Variants in GOLM2 observed in about 807,000 individuals in gnomAD.
GOLM2 encodes the protein protein GOLM2.
Under a neutral mutation model 55.9 loss-of-function variants are expected in GOLM2, and 26 were observed. That is an observed-to-expected ratio of 0.47 (90% confidence interval 0.34 to 0.65). The LOEUF (loss-of-function observed/expected upper bound fraction) is 0.65. Ranked by LOEUF, GOLM2 falls within the 30% of genes least tolerant of loss-of-function variation. The pLI, the probability that GOLM2 is intolerant of heterozygous loss-of-function variation, is 0.01. For missense variants in GOLM2, 486 were observed against 531.8 expected (o/e 0.91, Z 0.85); for synonymous variants, 165 against 194.6 (o/e 0.85, Z 1.27).
intron 1 of GOLM2, among the ~76,000 whole-genome samples, chr15:44,319,874 C>T (rs948413376): frequency 3.3e-5 from 5 of 152,220 alleles, no homozygotes; most frequent in African/African-American, 4.8e-5. Flanking sequence ...CAGGCGTGAG[C>T]CACTGCACCT....
chr15:44,360,297 T>C (rs2141170382), intron 6 of GOLM2, among the ~76,000 whole-genome samples: 1 of 152,278 alleles, frequency 6.6e-6, no homozygotes, highest in East Asian at 1.9e-4. Flanking sequence ...TGTGTTGTAT[T>C]CAGGAAACCC....
At chr15:44,383,121 A>ATATACATATACAGAATATATG (rs1407030347) in intron 8 of GOLM2, among the ~76,000 whole-genome samples, 2 of 150,854 alleles carry the variant, frequency 1.3e-5, no homozygotes, top group Non-Finnish European at 3.0e-5. Flanking sequence ...TGTATATATT[A>ATATACATATACAGAATATATG]TATACATATA....
chr15:44,380,732 C>T (rs1426435296), intron 7 of GOLM2, 74 bp from the exon 8 acceptor site: 2 of 1,086,550 alleles, frequency 1.8e-6, no homozygotes, highest in African/African-American at 1.7e-5. Flanking sequence ...CTTTCTAAAG[C>T]AGATCTTGTG....
At position 44,402,890 on chromosome 15, in the gene GOLM2, G is replaced by A. The variant is rs369348773; in HGVS notation, c.1076G>A (p.Arg359Gln). The change falls in exon 9 of 10, where the codon CGA (arginine) becomes CAA (glutamine). Residue 359 changes from arginine (R) to glutamine (Q), a missense_variant. By Grantham distance (43) the Arg-to-Gln change is conservative. Transcript: ENST00000299957. ...VSDFHKLKQSRFFDENESPVD... is the reference protein window; with the variant it reads ...VSDFHKLKQSQFFDENESPVD... ...TAATCCTCTACCTACTTCACAGGCC[G>A]ATTCTTTGATGAAAATGAATCCCCT... is the stretch of plus-strand genomic sequence containing the variant. 12 of 1,613,568 alleles carry A rather than the reference G, an allele frequency of 7.4e-6. No individual in the cohort carries two copies. The highest frequency in any genetic ancestry group is 1.3e-5 in the African/African-American group (1 of 74,836).
In GOLM2 at chr15:44,316,280, C is replaced by T. The variant is rs527583574; in HGVS notation, c.328-6685C>T. ...GTGTGGTGGCCTGAGCCTGTTGTCA[C>T]AGCTACTGAGTTCGAGTTCAGCCTG... On this transcript the variant is annotated intron_variant, in intron 1 of 9. Transcript: ENST00000299957. Among the ~76,000 whole-genome samples, 35 of 152,166 alleles carry T rather than the reference C, an allele frequency of 2.3e-4. No individual in the cohort carries two copies. The South Asian group carries it at 7.1e-3, about 31-fold the overall frequency.
chr15:44,412,263 T>G (rs776070370), intron 9 of GOLM2, among the ~76,000 whole-genome samples: 1 of 152,174 alleles, frequency 6.6e-6, no homozygotes, highest in African/African-American at 2.4e-5. Context: ...GGATTGCTAT[T>G]GGCAGGTAAA....
chr15:44,321,843 A>G (rs928017952), intron 1 of GOLM2, among the ~76,000 whole-genome samples: 10 of 151,662 alleles, frequency 6.6e-5, no homozygotes, highest in African/African-American at 2.2e-4. Context: ...CTTGAGTCCA[A>G]GAGTTCAAGA....
At chr15:44,300,564 T>C (rs1446969584) in intron 1 of GOLM2, among the ~76,000 whole-genome samples, 1 of 152,188 alleles carries the variant, frequency 6.6e-6, no homozygotes, top group African/African-American at 2.4e-5. Context: ...TAAAAGGACA[T>C]TCAAGGAGCT....
At chr15:44,350,628 G>A (rs79911633) in intron 6 of GOLM2, among the ~76,000 whole-genome samples, 1 of 152,096 alleles carries the variant, frequency 6.6e-6, no homozygotes, top group African/African-American at 2.4e-5. Context: ...TCTAGGAGAC[G>A]AGTAATAGCC....
At chr15:44,402,474 G>A (rs781730834) in intron 8 of GOLM2, among the ~76,000 whole-genome samples, 3 of 151,872 alleles carry the variant, frequency 2.0e-5, no homozygotes, top group Non-Finnish European at 2.9e-5. Flanking sequence ...TTACAAGTGT[G>A]GGCCACTGCA....
At chr15:44,300,930 C>T (rs1228705040) in intron 1 of GOLM2, among the ~76,000 whole-genome samples, 1 of 152,172 alleles carries the variant, frequency 6.6e-6, no homozygotes. Context: ...ACAATGTTGC[C>T]ACAGAGCTTT....
At chr15:44,398,415 A>G (rs1260063041) in intron 8 of GOLM2, among the ~76,000 whole-genome samples, 1 of 152,152 alleles carries the variant, frequency 6.6e-6, no homozygotes, top group Admixed American at 6.6e-5. Context: ...AAGCCTCCTG[A>G]GTAGCTGAGA....
intron 1 of GOLM2, among the ~76,000 whole-genome samples, chr15:44,318,369 C>T (rs2078925935): frequency 6.6e-6 from 1 of 152,216 alleles, no homozygotes; most frequent in South Asian, 2.1e-4. Flanking sequence ...TCATCTTGCC[C>T]ACTCTGGTCT....
chr15:44,387,546 T>G (rs896752312), intron 8 of GOLM2: 3 of 152,176 alleles, frequency 2.0e-5, no homozygotes, highest in Non-Finnish European at 4.4e-5. Flanking sequence ...GTGGATCATC[T>G]GAGGTCAGGA....
chr15:44,360,804 T>C (rs1415113687), intron 6 of GOLM2, among the ~76,000 whole-genome samples: 1 of 152,094 alleles, frequency 6.6e-6, no homozygotes, highest in African/African-American at 2.4e-5. Context: ...TAGTTGGAAG[T>C]AAAGCTCTCC....
intron 1 of GOLM2, among the ~76,000 whole-genome samples, chr15:44,318,302 G>A (rs561402724): frequency 2.0e-4 from 30 of 152,222 alleles, no homozygotes; most frequent in Middle Eastern, 6.8e-3. Flanking sequence ...GCCCACCTCT[G>A]ACTTAGACCA....
At chr15:44,312,946 G>T (rs1485911998) in intron 1 of GOLM2, among the ~76,000 whole-genome samples, 1 of 152,192 alleles carries the variant, frequency 6.6e-6, no homozygotes, top group East Asian at 1.9e-4. Flanking sequence ...GGGCGTGGTG[G>T]CGTGCTCCTG....
At chr15:44,343,511 C>T (rs1434620212) in intron 6 of GOLM2, among the ~76,000 whole-genome samples, 1 of 151,596 alleles carries the variant, frequency 6.6e-6, no homozygotes, top group East Asian at 1.9e-4. Context: ...AGGCAGTAAC[C>T]CCAAAGAGGA....
chr15:44,340,686 C>T (rs2079085438), intron 6 of GOLM2, among the ~76,000 whole-genome samples: 1 of 152,126 alleles, frequency 6.6e-6, no homozygotes, highest in South Asian at 2.1e-4. Flanking sequence ...GAATGGAGCC[C>T]AGCAATTTGT....
Sources: allele counts gnomAD v4.1 joint callset (sites outside exome capture counted in the v4.1 genomes callset), GRCh38; gene constraint gnomAD v4.1.1; transcripts MANE v1.5; gene names NCBI Gene and HGNC (gene_info 2026-07-23, HGNC 2026-07-21).